Variants in SSBP2 observed in about 807,000 individuals in gnomAD.
SSBP2 encodes the protein single stranded DNA binding protein 2, also known as single-stranded DNA-binding protein 2.
In SSBP2, 17 loss-of-function variants were observed where a neutral mutation model predicts 61.8. The ratio of observed to expected loss-of-function variants is 0.28; its 90% CI spans 0.19 to 0.41. The LOEUF is 0.41. Ranked by LOEUF, SSBP2 falls within the 10% of genes least tolerant of loss-of-function variation. SSBP2 has a pLI of 1.00. For synonymous variants in SSBP2, 139 were observed against 141.3 expected (o/e 0.98, Z 0.12); for missense variants, 310 against 458.7 (o/e 0.68, Z 2.96).
intron 2 of SSBP2, among the ~76,000 whole-genome samples, chr5:81,642,906 G>A (rs1748915964): frequency 6.6e-6 from 1 of 151,992 alleles, no homozygotes; most frequent in Non-Finnish European, 1.5e-5. Context: ...ATATATACAG[G>A]TATACACACA....
At chr5:81,508,751 CAT>C (rs1561483650) in intron 5 of SSBP2, among the ~76,000 whole-genome samples, 1 of 151,954 alleles carries the variant, frequency 6.6e-6, no homozygotes, top group Non-Finnish European at 1.5e-5. Flanking sequence ...TGTTCTGTAA[CAT>C]AAACAGGAAA....
intron 1 of SSBP2, among the ~76,000 whole-genome samples, chr5:81,713,781 C>T (rs1754971340): frequency 6.6e-6 from 1 of 151,906 alleles, no homozygotes; most frequent in Non-Finnish European, 1.5e-5. Flanking sequence ...AACAAACAAA[C>T]AAACAAAAAG....
intron 4 of SSBP2, among the ~76,000 whole-genome samples, chr5:81,541,146 A>G (rs543776541): frequency 6.6e-6 from 1 of 152,310 alleles, no homozygotes; most frequent in East Asian, 1.9e-4. Flanking sequence ...GAGCCAAACC[A>G]AGAATGCAAT....
intron 4 of SSBP2, among the ~76,000 whole-genome samples, chr5:81,605,230 GTCTA>G (rs1744759537): frequency 6.6e-6 from 1 of 151,988 alleles, no homozygotes; most frequent in Admixed American, 6.6e-5. Context: ...TAAGTACAGT[GTCTA>G]TCTTCTTATA....
chr5:81,592,553 T>A (rs1301499038), intron 4 of SSBP2, among the ~76,000 whole-genome samples: 1 of 152,168 alleles, frequency 6.6e-6, no homozygotes, highest in East Asian at 1.9e-4. Flanking sequence ...CTCAAGTGGG[T>A]CCCTGACCCC....
chr5:81,692,438 C>T (rs192809304), intron 1 of SSBP2, among the ~76,000 whole-genome samples: 1 of 152,286 alleles, frequency 6.6e-6, no homozygotes, highest in African/African-American at 2.4e-5. Context: ...CTACCCAAAG[C>T]AATCTACAGA....
At chr5:81,743,022 C>T (rs1412516906) in intron 1 of SSBP2, among the ~76,000 whole-genome samples, 1 of 152,158 alleles carries the variant, frequency 6.6e-6, no homozygotes, top group Non-Finnish European at 1.5e-5. Flanking sequence ...ACCCAGTATA[C>T]TGTAAGTGTT....
At chr5:81,512,361 G>A (rs1383279940) in intron 5 of SSBP2, among the ~76,000 whole-genome samples, 1 of 152,140 alleles carries the variant, frequency 6.6e-6, no homozygotes, top group East Asian at 1.9e-4. Context: ...TTTACATCTA[G>A]GGATATTGTG....
chr5:81,627,222 C>G (rs1747260730), intron 3 of SSBP2, among the ~76,000 whole-genome samples: 1 of 152,054 alleles, frequency 6.6e-6, no homozygotes, highest in African/African-American at 2.4e-5. Context: ...CCAAATTTTC[C>G]TCTGTATTCC....
At chr5:81,575,070 C>A (rs1266411896) in intron 4 of SSBP2, among the ~76,000 whole-genome samples, 1 of 152,140 alleles carries the variant, frequency 6.6e-6, no homozygotes, top group Non-Finnish European at 1.5e-5. Context: ...GAGATCAAGA[C>A]CATCCTGGCC....
At chr5:81,598,069 A>G in intron 4 of SSBP2, among the ~76,000 whole-genome samples, 1 of 151,900 alleles carries the variant, frequency 6.6e-6, no homozygotes, top group South Asian at 2.1e-4. Context: ...AAATACTTTA[A>G]AACATAATAG....
rs1390725663 is a variant in SSBP2, at chr5:81,414,237, A to G, written c.*6267T>C. The G allele has an allele frequency of 6.6e-6, 1 of 152,174 alleles. No individual in the cohort carries two copies. Among genetic ancestry groups the G allele is most frequent in the Non-Finnish European group, 1.5e-5 (1 of 67,990 alleles). 9.4% of individuals were successfully genotyped at this position (152,174 alleles called of 1,614,324 possible). A position where few individuals can be genotyped will look rare whatever the true frequency, so the allele number is the denominator to read the frequency against. ...TGTAATTGTATACATAAAAACACCT[A>G]GTCCCACTTTAAAATTTTAATATCT... is the stretch of plus-strand genomic sequence containing the variant. On this transcript the variant is annotated 3_prime_UTR_variant, in exon 17 of 17. Transcript: ENST00000320672.
intron 1 of SSBP2, among the ~76,000 whole-genome samples, chr5:81,656,029 A>G (rs1750177262): frequency 6.6e-6 from 1 of 152,142 alleles, no homozygotes; most frequent in African/African-American, 2.4e-5. Context: ...AAATTATACA[A>G]TTAGAAGGGA....
At chr5:81,629,154 T>TA (rs1239559535) in intron 3 of SSBP2, among the ~76,000 whole-genome samples, 1 of 152,144 alleles carries the variant, frequency 6.6e-6, no homozygotes, top group African/African-American at 2.4e-5. Flanking sequence ...ATCCAGCAAA[T>TA]TGTTGCATTC....
intron 4 of SSBP2, among the ~76,000 whole-genome samples, chr5:81,557,920 G>A (rs1455930882): frequency 6.6e-6 from 1 of 152,030 alleles, no homozygotes; most frequent in Non-Finnish European, 1.5e-5. Flanking sequence ...TTACTTTGTT[G>A]GGTGCTGGAT....
chr5:81,620,615 A>C (rs1746485102), intron 3 of SSBP2, among the ~76,000 whole-genome samples: 1 of 44,742 alleles, frequency 2.2e-5, no homozygotes, highest in Non-Finnish European at 4.0e-5. Context: ...TTTAAAGTTC[A>C]TATGGAACCA....
intron 1 of SSBP2, among the ~76,000 whole-genome samples, chr5:81,726,784 T>A (rs1386379230): frequency 6.6e-6 from 1 of 152,096 alleles, no homozygotes; most frequent in Non-Finnish European, 1.5e-5. Context: ...ATACCCTCAA[T>A]TCCCTTCTAT....
At chr5:81,560,176 G>C (rs974177177) in intron 4 of SSBP2, among the ~76,000 whole-genome samples, 2 of 152,160 alleles carry the variant, frequency 1.3e-5, no homozygotes, top group African/African-American at 4.8e-5. Flanking sequence ...AGGAAAAAAA[G>C]AGTCATGCTG....
At chr5:81,433,005 G>A (rs1348281093) in intron 15 of SSBP2, among the ~76,000 whole-genome samples, 4 of 149,330 alleles carry the variant, frequency 2.7e-5, no homozygotes, top group Admixed American at 6.6e-5. Context: ...ACTCCCGCCC[G>A]GCCAGCCGCC....
Sources: gnomAD v4.1 joint callset for allele counts (sites outside exome capture counted in the v4.1 genomes callset) on GRCh38, gnomAD v4.1.1 for gene constraint, MANE v1.5 for transcripts, NCBI Gene and HGNC (gene_info 2026-07-23, HGNC 2026-07-21) for gene names.